Variants in GALNTL6 observed in about 807,000 individuals in gnomAD.
GALNTL6 encodes polypeptide N-acetylgalactosaminyltransferase-like 6.
In GALNTL6, 46 loss-of-function variants were observed where a neutral mutation model predicts 73.7. The ratio of observed to expected loss-of-function variants is 0.62; its 90% CI spans 0.49 to 0.80. The LOEUF is 0.80. Ranked by LOEUF, GALNTL6 falls within the 30% of genes least tolerant of loss-of-function variation. GALNTL6 has a pLI of 0.00. For missense variants in GALNTL6, 604 were observed against 755.0 expected (o/e 0.80, Z 2.34); for synonymous variants, 259 against 263.7 (o/e 0.98, Z 0.17).
At chr4:172,116,926 T>G (rs1732998654) in intron 2 of GALNTL6, among the ~76,000 whole-genome samples, 1 of 152,200 alleles carries the variant, frequency 6.6e-6, no homozygotes, top group Admixed American at 6.5e-5. Context: ...GCAGTACCTT[T>G]ATTGCTTTTT....
At chr4:172,049,455 T>A (rs1050608329) in intron 2 of GALNTL6, among the ~76,000 whole-genome samples, 1 of 152,188 alleles carries the variant, frequency 6.6e-6, no homozygotes, top group South Asian at 2.1e-4. Context: ...TACTTTACAC[T>A]TCCTTTTATA....
chr4:172,568,757 C>CAAAAAAAAAAAAA (rs71592082), intron 5 of GALNTL6, among the ~76,000 whole-genome samples: 2 of 67,072 alleles, frequency 3.0e-5, no homozygotes, highest in Non-Finnish European at 5.1e-5. Flanking sequence ...GACTCCATCT[C>CAAAAAAAAAAAAA]AAAAAAAAAA....
chr4:171,940,184 T>C (rs1253166603), intron 2 of GALNTL6, among the ~76,000 whole-genome samples: 1 of 116,676 alleles, frequency 8.6e-6, no homozygotes, highest in African/African-American at 2.6e-5. Context: ...ATCTCATTAT[T>C]AACTGTGAAA....
chr4:172,967,961 C>G (rs150580209), intron 10 of GALNTL6, among the ~76,000 whole-genome samples: 34 of 152,244 alleles, frequency 2.2e-4, no homozygotes, highest in African/African-American at 7.9e-4. Flanking sequence ...GCTACATTTT[C>G]TACAATATTC....
chr4:172,627,550 G>T (rs61635359), intron 5 of GALNTL6, among the ~76,000 whole-genome samples: 5,577 of 148,984 alleles, frequency 0.037, 273 homozygotes, highest in Admixed American at 0.11. Flanking sequence ...TTTTTTTTTC[G>T]AATAGTTTCA....
intron 2 of GALNTL6, among the ~76,000 whole-genome samples, chr4:171,892,747 A>T (rs968121216): frequency 3.9e-5 from 6 of 152,200 alleles, no homozygotes; most frequent in African/African-American, 1.2e-4. Context: ...AAAAATTTGT[A>T]TAGACGAGGT....
In GALNTL6 at chr4:172,147,839, A is replaced by G. The variant is rs538676714; in HGVS notation, c.139-81817A>G. 3.9e-5 allele frequency among the ~76,000 whole-genome samples: 6 copies of G among 152,292 alleles called. No homozygotes were observed. In the South Asian group the frequency reaches 1.2e-3, roughly 32 times the overall value. On this transcript the variant is annotated intron_variant, in intron 2 of 12. Coordinates refer to ENST00000506823, the MANE Select transcript of GALNTL6 (RefSeq NM_001034845.3). ...GCAGAGCAGCCAGAAAATAACCATG[A>G]AAACAATCCTCGAATACCTGAATCA...
chr4:172,835,930 C>G (rs979204928), intron 7 of GALNTL6, among the ~76,000 whole-genome samples: 1 of 152,184 alleles, frequency 6.6e-6, no homozygotes, highest in Admixed American at 6.5e-5. Flanking sequence ...CCCCAAAAGG[C>G]CAGCCATGCT....
chr4:172,556,405 C>T lies in GALNTL6; in HGVS notation c.553+207716C>T, dbSNP rs1318011234. On this transcript the variant is annotated intron_variant, in intron 5 of 12. Coordinates refer to ENST00000506823, the MANE Select transcript of GALNTL6 (RefSeq NM_001034845.3). ...GGTCTCTCCCCATGTGACAGGCATA[C>T]ACTTTAGCCCCCTAACTAGGGTTGC... Among the ~76,000 whole-genome samples the T allele has an allele frequency of 5.9e-5, 9 of 152,144 alleles. No homozygotes were observed. In the East Asian group the frequency reaches 1.5e-3, roughly 26 times the overall value.
chr4:172,765,819 G>A (rs1238013265), intron 5 of GALNTL6, among the ~76,000 whole-genome samples: 3 of 151,864 alleles, frequency 2.0e-5, no homozygotes, highest in Admixed American at 6.6e-5. Context: ...AGCAAAGGGT[G>A]AGGGTAATTT....
chr4:172,639,567 A>G lies in GALNTL6; in HGVS notation c.554-169794A>G, dbSNP rs370246679. Among the ~76,000 whole-genome samples, 12 of 152,204 alleles carry G rather than the reference A, an allele frequency of 7.9e-5. No homozygotes were observed. In the East Asian group the frequency reaches 2.3e-3, roughly 29 times the overall value. On this transcript the variant is annotated intron_variant, in intron 5 of 12. Transcript: ENST00000506823. ...TGTTCATTACCCCTAGAGAATCCCT[A>G]ATATTGTCAGGTAATTATACTATGT...
At chr4:172,449,795 T>A (rs1174419942) in intron 5 of GALNTL6, among the ~76,000 whole-genome samples, 1 of 152,244 alleles carries the variant, frequency 6.6e-6, no homozygotes, top group Admixed American at 6.5e-5. Context: ...ACTCTTGAAC[T>A]AATGTCTTTC....
intron 5 of GALNTL6, among the ~76,000 whole-genome samples, chr4:172,560,367 GC>G (rs1736309800): frequency 6.6e-6 from 1 of 151,934 alleles, no homozygotes; most frequent in African/African-American, 2.4e-5. Context: ...GCGTGATGGT[GC>G]ACACCTATAG....
intron 5 of GALNTL6, among the ~76,000 whole-genome samples, chr4:172,565,468 A>AT (rs1219881656): frequency 6.6e-6 from 1 of 152,164 alleles, no homozygotes; most frequent in Non-Finnish European, 1.5e-5. Flanking sequence ...GTGGTCTATG[A>AT]TTCTCTTCAT....
At chr4:172,034,688 A>G (rs1741881502) in intron 2 of GALNTL6, among the ~76,000 whole-genome samples, 1 of 152,106 alleles carries the variant, frequency 6.6e-6, no homozygotes, top group African/African-American at 2.4e-5. Context: ...GTGTACCTGC[A>G]TTGAAACATT....
chr4:172,400,016 T>C (rs756380174), intron 5 of GALNTL6, among the ~76,000 whole-genome samples: 31 of 152,262 alleles, frequency 2.0e-4, no homozygotes, highest in Admixed American at 7.9e-4. Flanking sequence ...AGCCATTTAT[T>C]TTTCCTCAAA....
intron 4 of GALNTL6, among the ~76,000 whole-genome samples, chr4:172,329,914 C>T (rs1045833029): frequency 2.0e-5 from 3 of 152,076 alleles, no homozygotes; most frequent in Non-Finnish European, 4.4e-5. Flanking sequence ...GGCCACTTTT[C>T]CACAGGGCAG....
At chr4:171,965,579 C>A (rs1739360448) in intron 2 of GALNTL6, among the ~76,000 whole-genome samples, 1 of 143,630 alleles carries the variant, frequency 7.0e-6, no homozygotes, top group Admixed American at 7.5e-5. Flanking sequence ...TGGCATGAAC[C>A]TGGGAAGCAG....
intron 5 of GALNTL6, among the ~76,000 whole-genome samples, chr4:172,700,955 A>C (rs1733993902): frequency 6.6e-6 from 1 of 152,134 alleles, no homozygotes; most frequent in Non-Finnish European, 1.5e-5. Context: ...GAAGGAAAAA[A>C]AAGTGTTACA....
Sources: allele counts gnomAD v4.1 joint callset (sites outside exome capture counted in the v4.1 genomes callset), GRCh38; gene constraint gnomAD v4.1.1; transcripts MANE v1.5; gene names NCBI Gene and HGNC (gene_info 2026-07-23, HGNC 2026-07-21).